The following AMPH variants were observed in gnomAD, a reference collection of about 807,000 sequenced individuals.
The protein encoded by AMPH is amphiphysin (Stiff-Mann syndrome with breast cancer 128kD autoantigen).
Under a neutral mutation model 99.1 loss-of-function variants are expected in AMPH, and 49 were observed. The observed-to-expected ratio is 0.49, with a 90% CI of 0.39 to 0.63. The LOEUF is 0.63. Among genes scored for constraint, AMPH ranks in the 20% least tolerant of loss-of-function variants. The probability of loss-of-function intolerance (pLI) is 0.00; values close to 1 mark genes in which losing one functional copy is unlikely to be tolerated. For synonymous variants in AMPH, 314 were observed against 317.3 expected, an observed-to-expected ratio of 0.99 and a Z score of 0.11; for missense variants, 759 against 863.4, an observed-to-expected ratio of 0.88 and a Z score of 1.52.
intron 11 of AMPH, among the ~76,000 whole-genome samples, chr7:38,439,654 T>C (rs1419468020): frequency 3.9e-5 from 6 of 152,190 alleles, no homozygotes; most frequent in African/African-American, 1.4e-4. Flanking sequence ...GGAACTTGAT[T>C]GTAAGTACTG....
At chr7:38,626,258 A>G (rs1259432967) in intron 1 of AMPH, among the ~76,000 whole-genome samples, 6 of 152,132 alleles carry the variant, frequency 3.9e-5, no homozygotes, top group Non-Finnish European at 7.4e-5. Context: ...ACACCTATGA[A>G]CCCCATCATT....
At chr7:38,610,374 AAAG>A (rs1217954543) in intron 1 of AMPH, among the ~76,000 whole-genome samples, 2 of 51,862 alleles carry the variant, frequency 3.9e-5, no homozygotes, top group Non-Finnish European at 8.4e-5. Flanking sequence ...AAAAGAAAAG[AAAG>A]GAAAGGAAAA....
At chr7:38,468,819 G>A (rs1016680989) in intron 7 of AMPH, among the ~76,000 whole-genome samples, 10 of 152,128 alleles carry the variant, frequency 6.6e-5, no homozygotes, top group African/African-American at 1.4e-4. Flanking sequence ...AGCATATTCC[G>A]ATGTGACCCT....
Position 38,552,571 on chromosome 7 carries a change from T to C in AMPH, c.70-17560A>G, listed in dbSNP as rs1791216941. 2.0e-5 allele frequency among the ~76,000 whole-genome samples: 3 copies of C among 152,238 alleles called. No individual in the cohort carries two copies. The South Asian group carries it at 6.2e-4, about 31-fold the overall frequency. On this transcript the variant is annotated intron_variant, in intron 1 of 20. Coordinates refer to ENST00000356264, the MANE Select transcript of AMPH (RefSeq NM_001635.4). ...GAGCCTCCTTTCCTCCTCTGTTTAC[T>C]GACCTGCATCTCCAATCAGGGTCCT...
chr7:38,594,559 G>A (rs901956142), intron 1 of AMPH, among the ~76,000 whole-genome samples: 9 of 152,108 alleles, frequency 5.9e-5, no homozygotes, highest in Admixed American at 2.0e-4. Flanking sequence ...GATCTGCCAA[G>A]GCTTCATCTG....
chr7:38,500,086 C>T (rs1270723513), intron 3 of AMPH, among the ~76,000 whole-genome samples: 5 of 152,156 alleles, frequency 3.3e-5, no homozygotes, highest in African/African-American at 1.2e-4. Flanking sequence ...CAGGCATATA[C>T]CTTGTTTTCA....
At chr7:38,404,435 A>G (rs1784926587) in intron 17 of AMPH, among the ~76,000 whole-genome samples, 1 of 152,186 alleles carries the variant, frequency 6.6e-6, no homozygotes, top group African/African-American at 2.4e-5. Flanking sequence ...CCAGCCCCAC[A>G]GAAGACAGTG....
intron 11 of AMPH, among the ~76,000 whole-genome samples, chr7:38,448,745 C>T (rs1786888614): frequency 6.6e-6 from 1 of 152,204 alleles, no homozygotes; most frequent in Non-Finnish European, 1.5e-5. Context: ...CCTTTACTCA[C>T]AATCTAGACC....
chr7:38,524,813 G>A (rs1407527581), intron 2 of AMPH, among the ~76,000 whole-genome samples: 5 of 152,084 alleles, frequency 3.3e-5, no homozygotes, highest in African/African-American at 7.2e-5. Flanking sequence ...AAAATCTGAT[G>A]TGGCAATATG....
intron 5 of AMPH, among the ~76,000 whole-genome samples, chr7:38,482,664 C>A (rs528756856): frequency 9.2e-5 from 14 of 152,170 alleles, no homozygotes; most frequent in Admixed American, 2.6e-4. Context: ...AAAAAACTTT[C>A]AGATGTTTGC....
intron 1 of AMPH, among the ~76,000 whole-genome samples, chr7:38,557,398 G>A (rs1338388792): frequency 2.0e-5 from 3 of 151,712 alleles, no homozygotes; most frequent in East Asian, 2.0e-4. Flanking sequence ...TCATCAGGGC[G>A]GTTTCCCACT....
chr7:38,384,655 C>T lies in AMPH; in HGVS notation c.*163G>A. 1 of 562,210 alleles carries T rather than the reference C, an allele frequency of 1.8e-6. No individual in the cohort carries two copies. Among genetic ancestry groups the T allele is most frequent in the Non-Finnish European group, 3.2e-6 (1 of 316,558 alleles). 34.8% of individuals were successfully genotyped at this position (562,210 alleles called of 1,614,324 possible). On this transcript the variant is annotated 3_prime_UTR_variant, in exon 21 of 21. Coordinates refer to ENST00000356264, the MANE Select transcript of AMPH (RefSeq NM_001635.4). ...TTTTCCTTAATTTACTTTTTTTCCT[C>T]TTACATTTTTTTGCACACATGCTCC... is the stretch of plus-strand genomic sequence containing the variant.
At chr7:38,596,004 A>G (rs1478875539) in intron 1 of AMPH, among the ~76,000 whole-genome samples, 1 of 152,166 alleles carries the variant, frequency 6.6e-6, no homozygotes, top group Non-Finnish European at 1.5e-5. Flanking sequence ...GCTATTATGA[A>G]TAGTGCTGTG....
Position 38,458,513 on chromosome 7 carries a change from C to T in AMPH, c.1017+2770G>A, listed in dbSNP as rs557917848. Among the ~76,000 whole-genome samples the T allele has an allele frequency of 7.9e-5, 12 of 152,192 alleles. No individual in the cohort carries two copies. In the East Asian group the frequency reaches 9.6e-4, roughly 12 times the overall value. Reference sequence around the variant, plus strand: ...AGCACATCAAACAGATGACACACCACGACCAAGTGGGATTTATATCAGGGA... The same window carrying T: ...AGCACATCAAACAGATGACACACCATGACCAAGTGGGATTTATATCAGGGA... On this transcript the variant is annotated intron_variant, in intron 11 of 20. Transcript: ENST00000356264.
At chr7:38,545,498 T>C (rs1584229560) in intron 1 of AMPH, among the ~76,000 whole-genome samples, 2 of 152,254 alleles carry the variant, frequency 1.3e-5, no homozygotes, top group South Asian at 4.2e-4. Flanking sequence ...CACACCAAAA[T>C]TTCCACTGCA....
At chr7:38,411,965 T>C (rs1785229424) in intron 17 of AMPH, among the ~76,000 whole-genome samples, 1 of 152,206 alleles carries the variant, frequency 6.6e-6, no homozygotes. Context: ...ACAAAAAGTA[T>C]ACACCAAGGC....
At chr7:38,404,330 C>A (rs972421751) in intron 17 of AMPH, among the ~76,000 whole-genome samples, 4 of 152,048 alleles carry the variant, frequency 2.6e-5, no homozygotes, top group Admixed American at 2.6e-4. Flanking sequence ...TTAAGTGCCA[C>A]CTACTGGACT....
intron 1 of AMPH, among the ~76,000 whole-genome samples, chr7:38,555,047 A>G (rs1340214392): frequency 6.6e-6 from 1 of 152,178 alleles, no homozygotes; most frequent in Non-Finnish European, 1.5e-5. Context: ...GGGAAGTGGA[A>G]AGAAACCCTT....
intron 3 of AMPH, among the ~76,000 whole-genome samples, chr7:38,497,718 C>T (rs1275009444): frequency 6.6e-6 from 1 of 152,134 alleles, no homozygotes; most frequent in African/African-American, 2.4e-5. Flanking sequence ...TAGACGAGAG[C>T]TGTGTAAAAA....
Sources: allele counts gnomAD v4.1 joint callset (sites outside exome capture counted in the v4.1 genomes callset), GRCh38; gene constraint gnomAD v4.1.1; transcripts MANE v1.5; gene names NCBI Gene and HGNC (gene_info 2026-07-23, HGNC 2026-07-21).